ME3: variants seen among roughly 807,000 people sequenced by gnomAD.
ME3 encodes NADP-dependent malic enzyme, mitochondrial.
A neutral mutation model predicts 68.9 loss-of-function variants in ME3; 48 were observed. The observed-to-expected ratio is 0.70, with a 90% CI of 0.55 to 0.89. The LOEUF (loss-of-function observed/expected upper bound fraction) is 0.89. Among genes scored for constraint, ME3 ranks in the 40% least tolerant of loss-of-function variants. The probability of loss-of-function intolerance (pLI) is 0.00; values close to 1 mark genes in which losing one functional copy is unlikely to be tolerated. For missense variants in ME3, 675 were observed against 797.4 expected, an observed-to-expected ratio of 0.85 and a Z score of 1.85; for synonymous variants, 320 against 318.8, an observed-to-expected ratio of 1.00 and a Z score of -0.04.
intron 2 of ME3, among the ~76,000 whole-genome samples, chr11:86,581,650 T>C (rs1958448637): frequency 6.6e-6 from 1 of 152,148 alleles, no homozygotes; most frequent in African/African-American, 2.4e-5. Flanking sequence ...TTCATCTGCT[T>C]GCTGGCTATC....
At chr11:86,561,876 CTT>C (rs1957255473) in intron 2 of ME3, among the ~76,000 whole-genome samples, 1 of 152,182 alleles carries the variant, frequency 6.6e-6, no homozygotes, top group African/African-American at 2.4e-5. Flanking sequence ...ATTAGATTCT[CTT>C]GTCATAGTCT....
chr11:86,517,675 T>C (rs537447030), intron 4 of ME3, among the ~76,000 whole-genome samples: 1 of 152,180 alleles, frequency 6.6e-6, no homozygotes, highest in Non-Finnish European at 1.5e-5. Flanking sequence ...GAATTCCTTG[T>C]GGGAAATGAT....
At chr11:86,661,082 T>G (rs536421342) in intron 2 of ME3, among the ~76,000 whole-genome samples, 1 of 152,288 alleles carries the variant, frequency 6.6e-6, no homozygotes, top group East Asian at 1.9e-4. Context: ...GGTTACACTA[T>G]CAGGAAGGCA....
intron 4 of ME3, among the ~76,000 whole-genome samples, chr11:86,539,341 A>C (rs998500415): frequency 6.6e-6 from 1 of 152,166 alleles, no homozygotes; most frequent in Non-Finnish European, 1.5e-5. Context: ...CAACAATTCA[A>C]TGGAGGGATT....
At chr11:86,637,379 C>T (rs1944402988) in intron 2 of ME3, among the ~76,000 whole-genome samples, 1 of 145,852 alleles carries the variant, frequency 6.9e-6, no homozygotes. Flanking sequence ...AAACTCATTA[C>T]AGCAGTGTGA....
chr11:86,558,043 G>A (rs908705853), intron 3 of ME3, among the ~76,000 whole-genome samples: 4 of 152,088 alleles, frequency 2.6e-5, no homozygotes, highest in Admixed American at 2.6e-4. Flanking sequence ...TGGTCAAGCA[G>A]CATCAGGGGC....
chr11:86,535,366 G>T (rs1955582266), intron 4 of ME3, among the ~76,000 whole-genome samples: 1 of 152,138 alleles, frequency 6.6e-6, no homozygotes, highest in Non-Finnish European at 1.5e-5. Flanking sequence ...GGTTCATCCT[G>T]CAGCAGCAGG....
chr11:86,500,604 C>T (rs1440953456), intron 5 of ME3, among the ~76,000 whole-genome samples: 2 of 152,182 alleles, frequency 1.3e-5, no homozygotes, highest in Non-Finnish European at 2.9e-5. Flanking sequence ...TTGAACTGTC[C>T]ATAGAATAGA....
chr11:86,621,118 T>C (rs1943321807), intron 2 of ME3, among the ~76,000 whole-genome samples: 1 of 152,196 alleles, frequency 6.6e-6, no homozygotes, highest in Admixed American at 6.5e-5. Context: ...TGAGTCCAGA[T>C]CAGAAAATTA....
chr11:86,451,224 CTGG>C (rs1949616826), intron 8 of ME3, among the ~76,000 whole-genome samples: 1 of 152,124 alleles, frequency 6.6e-6, no homozygotes, highest in African/African-American at 2.4e-5. Flanking sequence ...AATGGTTTAG[CTGG>C]ATGATCAGGG....
chr11:86,628,931 TAAAG>T (rs1179568306), intron 2 of ME3, among the ~76,000 whole-genome samples: 4 of 152,134 alleles, frequency 2.6e-5, no homozygotes, highest in Non-Finnish European at 5.9e-5. Context: ...AAATCAAAGA[TAAAG>T]AAAGTGCTGT....
At chr11:86,528,909 G>C (rs571317152) in intron 4 of ME3, among the ~76,000 whole-genome samples, 2 of 152,252 alleles carry the variant, frequency 1.3e-5, no homozygotes, top group East Asian at 3.9e-4. Context: ...AAGCAGGAAA[G>C]ATCTAAGATT....
intron 4 of ME3, among the ~76,000 whole-genome samples, chr11:86,540,135 C>A (rs1450294491): frequency 6.6e-6 from 1 of 152,220 alleles, no homozygotes; most frequent in Non-Finnish European, 1.5e-5. Flanking sequence ...GAGCCCCTGT[C>A]CCATCCTGTG....
chr11:86,439,858 T>G (rs1334176270), downstream of ME3, among the ~76,000 whole-genome samples: 1 of 152,164 alleles, frequency 6.6e-6, no homozygotes, highest in African/African-American at 2.4e-5. Context: ...TGTAAAAAGG[T>G]AGTGTCAAAA....
At chr11:86,619,639 C>T (rs1050730520) in intron 2 of ME3, among the ~76,000 whole-genome samples, 11 of 152,212 alleles carry the variant, frequency 7.2e-5, no homozygotes, top group African/African-American at 2.7e-4. Context: ...TTCTTGTCCT[C>T]TGCCATGTAA....
At chr11:86,550,968 G>A (rs1956643197) in intron 4 of ME3, among the ~76,000 whole-genome samples, 1 of 151,798 alleles carries the variant, frequency 6.6e-6, no homozygotes, top group Admixed American at 6.6e-5. Context: ...CCCTCTGGGT[G>A]TGTGTGCACA....
intron 2 of ME3, among the ~76,000 whole-genome samples, chr11:86,630,153 C>A (rs974998535): frequency 1.2e-4 from 19 of 152,064 alleles, no homozygotes; most frequent in Non-Finnish European, 2.8e-4. Flanking sequence ...TGTATCCCCC[C>A]AAAAATGTTC....
intron 2 of ME3, among the ~76,000 whole-genome samples, chr11:86,586,306 G>C (rs1314614364): frequency 6.6e-6 from 1 of 152,174 alleles, no homozygotes; most frequent in African/African-American, 2.4e-5. Context: ...AAAGTGAATG[G>C]AAAAATGTGA....
intron 2 of ME3, among the ~76,000 whole-genome samples, chr11:86,664,831 T>A (rs1946493040): frequency 6.6e-6 from 1 of 152,208 alleles, no homozygotes. Context: ...CTGTGTCTTC[T>A]GAATAGGACC....
Sources: gnomAD v4.1 joint callset for allele counts (sites outside exome capture counted in the v4.1 genomes callset) on GRCh38, gnomAD v4.1.1 for gene constraint, MANE v1.5 for transcripts, NCBI Gene and HGNC (gene_info 2026-07-23, HGNC 2026-07-21) for gene names.